Variants in SRGAP2B observed in about 807,000 individuals in gnomAD.
SRGAP2B encodes the protein SLIT-ROBO Rho GTPase activating protein 2B, also known as SLIT-ROBO Rho GTPase-activating protein 2B.
A neutral mutation model predicts 22.2 loss-of-function variants in SRGAP2B; 9 were observed. That is an observed-to-expected ratio of 0.41 (90% CI 0.24 to 0.71). SRGAP2B has a LOEUF of 0.71. Among genes scored for constraint, SRGAP2B ranks in the 30% least tolerant of loss-of-function variants. SRGAP2B has a pLI of 0.35. For synonymous variants in SRGAP2B, 36 were observed against 87.4 expected, an observed-to-expected ratio of 0.41 and a Z score of 3.28; for missense variants, 114 against 235.8, an observed-to-expected ratio of 0.48 and a Z score of 3.38.
intron 2 of SRGAP2B, among the ~76,000 whole-genome samples, chr1:145,067,943 C>T (rs1412575008): frequency 2.4e-4 from 7 of 29,470 alleles, no homozygotes; most frequent in African/African-American, 1.1e-3. Context: ...GTGGCTCACG[C>T]CTGTAATCCC....
intron 7 of SRGAP2B, among the ~76,000 whole-genome samples, chr1:144,902,796 A>T: frequency 8.0e-6 from 1 of 124,916 alleles, no homozygotes. Context: ...GAGAAACTTT[A>T]TTACTACCTA....
At chr1:144,965,227 G>T in intron 3 of SRGAP2B, 3 of 725,314 alleles carry the variant, frequency 4.1e-6, no homozygotes, top group Non-Finnish European at 7.2e-6. Context: ...GAAGACGGGT[G>T]ATTTCTGCAT....
At chr1:144,976,692 C>G (rs1553614267) in intron 3 of SRGAP2B, among the ~76,000 whole-genome samples, 2 of 142,406 alleles carry the variant, frequency 1.4e-5, no homozygotes, top group African/African-American at 6.0e-5. Context: ...CAATAAGACA[C>G]AGAAGCCAGC....
chr1:144,996,213 A>C (rs1451937611), intron 2 of SRGAP2B, among the ~76,000 whole-genome samples: 1 of 150,790 alleles, frequency 6.6e-6, no homozygotes, highest in East Asian at 1.9e-4. Flanking sequence ...ACTGATTTTC[A>C]GCTCAGAGAA....
rs185691983 is a variant in SRGAP2B at position 144,951,185 on chromosome 1, T to G, written c.423+4254A>C. Among the ~76,000 whole-genome samples the G allele has an allele frequency of 9.4e-3, 1,415 of 149,758 alleles. 34 individuals carry two copies. The highest frequency in any genetic ancestry group is 0.014 in the Non-Finnish European group (954 of 67,716). ...TTTTGTTTTTTGTTTTTTGTTTTTT[T>G]TTTTTAAACAGACAGGGTCTGGCTC... On this transcript the variant is annotated intron_variant, in intron 4 of 9. Coordinates refer to ENST00000612199, the Ensembl canonical transcript of SRGAP2B.
intron 3 of SRGAP2B, among the ~76,000 whole-genome samples, chr1:144,969,750 C>A (rs1553612900): frequency 1.3e-5 from 2 of 150,550 alleles, no homozygotes; most frequent in African/African-American, 2.5e-5. Flanking sequence ...ACTCATCTGA[C>A]AAAGGGCTAA....
At chr1:144,970,635 C>A in intron 3 of SRGAP2B, among the ~76,000 whole-genome samples, 2 of 42,060 alleles carry the variant, frequency 4.8e-5, no homozygotes, top group Admixed American at 3.3e-4. Flanking sequence ...TACCCTAAAA[C>A]TTAAAGTATT....
intron 3 of SRGAP2B, among the ~76,000 whole-genome samples, chr1:144,966,587 T>C: frequency 6.8e-6 from 1 of 146,514 alleles, no homozygotes; most frequent in African/African-American, 2.8e-5. Flanking sequence ...CATCAACTAA[T>C]GAACAAAATA....
chr1:144,931,759 A>G (rs1553605699), intron 4 of SRGAP2B, among the ~76,000 whole-genome samples: 4 of 144,982 alleles, frequency 2.8e-5, no homozygotes, highest in African/African-American at 1.1e-4. Context: ...GGGGTTACCC[A>G]GCTAGAAAGC....
At chr1:144,992,315 A>T (rs6600693) in intron 3 of SRGAP2B, among the ~76,000 whole-genome samples, 1 of 151,102 alleles carries the variant, frequency 6.6e-6, no homozygotes, top group Non-Finnish European at 1.5e-5. Context: ...TGAGACCAAG[A>T]ACCCACCAAT....
intron 2 of SRGAP2B, among the ~76,000 whole-genome samples, chr1:145,030,274 A>G (rs1362544333): frequency 1.3e-5 from 2 of 149,866 alleles, no homozygotes; most frequent in African/African-American, 5.0e-5. Context: ...TATTTTTCAG[A>G]ACATATATCA....
chr1:145,002,654 A>C (rs1307895642), intron 2 of SRGAP2B, among the ~76,000 whole-genome samples: 1 of 150,754 alleles, frequency 6.6e-6, no homozygotes, highest in Non-Finnish European at 1.5e-5. Flanking sequence ...GTAATGGATA[A>C]ACTGAGGATT....
intron 2 of SRGAP2B, among the ~76,000 whole-genome samples, chr1:145,013,811 A>G (rs1463797084): frequency 6.6e-6 from 1 of 150,814 alleles, no homozygotes; most frequent in Non-Finnish European, 1.5e-5. Context: ...ATAATTGGGC[A>G]GTTTAGAGCC....
At chr1:144,995,174 T>C (rs1340220401) in exon 3 of SRGAP2B, 1 of 918,608 alleles carries the variant, frequency 1.1e-6, no homozygotes, top group Non-Finnish European at 1.6e-6. Flanking sequence ...AGGCATTTCA[T>C]CTGCTCTGTG....
At chr1:145,068,943 GTGTGTATGTGTA>G (rs1224001878) in intron 2 of SRGAP2B, among the ~76,000 whole-genome samples, 6 of 102,462 alleles carry the variant, frequency 5.9e-5, no homozygotes, top group Non-Finnish European at 1.1e-4. Flanking sequence ...GTGTGTGTGT[GTGTGTATGTGTA>G]TATATATATC....
At position 144,958,871 on chromosome 1, in the gene SRGAP2B, C is replaced by T. The variant is rs1202816196; in HGVS notation, c.261-3270G>A. 5.4e-5 allele frequency among the ~76,000 whole-genome samples: 8 copies of T among 148,850 alleles called. No individual in the cohort carries two copies. The East Asian group carries it at 1.6e-3, about 29-fold the overall frequency. ...ACGGTGACACATCCATTCAAATGAG[C>T]AACCCTCACTGACATGAGCAAGAGA... On this transcript the variant is annotated intron_variant, in intron 3 of 9. Transcript: ENST00000612199.
intron 4 of SRGAP2B, among the ~76,000 whole-genome samples, chr1:144,924,605 G>A (rs1553347411): frequency 8.6e-5 from 13 of 151,272 alleles, no homozygotes; most frequent in Admixed American, 2.6e-4. Context: ...AGTGGCGGGC[G>A]CCTGTAGTCC....
At chr1:144,971,581 C>T (rs1553613295) in intron 3 of SRGAP2B, among the ~76,000 whole-genome samples, 1 of 150,928 alleles carries the variant, frequency 6.6e-6, no homozygotes, top group African/African-American at 2.5e-5. Context: ...AATTATGAGC[C>T]ACCTCACCTG....
intron 2 of SRGAP2B, among the ~76,000 whole-genome samples, chr1:145,021,975 G>A (rs1429343718): frequency 2.1e-5 from 3 of 145,386 alleles, no homozygotes; most frequent in Non-Finnish European, 3.0e-5. Flanking sequence ...CTTCCCTGTG[G>A]GAAGGGCACC....
Sources: allele counts gnomAD v4.1 joint callset (sites outside exome capture counted in the v4.1 genomes callset), GRCh38; gene constraint gnomAD v4.1.1; transcripts MANE v1.5; gene names NCBI Gene and HGNC (gene_info 2026-07-23, HGNC 2026-07-21).